Variants in SDCCAG8 observed in about 807,000 individuals in gnomAD.
SDCCAG8 encodes the protein serologically defined colon cancer antigen 8.
SDCCAG8 carries 74 observed loss-of-function variants against 101.8 expected under a neutral mutation model. That is an observed-to-expected ratio of 0.73 (90% confidence interval 0.60 to 0.88). SDCCAG8 has a LOEUF of 0.88. Among genes scored for constraint, SDCCAG8 ranks in the 40% least tolerant of loss-of-function variants. The pLI, the probability that SDCCAG8 is intolerant of heterozygous loss-of-function variation, is 0.00. For missense variants in SDCCAG8, 787 were observed against 822.6 expected (o/e 0.96, Z 0.53); for synonymous variants, 281 against 292.9 (o/e 0.96, Z 0.41).
At chr1:243,374,204 G>A (rs969995730) in intron 12 of SDCCAG8, among the ~76,000 whole-genome samples, 1 of 151,922 alleles carries the variant, frequency 6.6e-6, no homozygotes, top group Non-Finnish European at 1.5e-5. Flanking sequence ...GACAGAGATG[G>A]AAAATATAAG....
At chr1:243,402,577 C>T (rs1401572586) in intron 13 of SDCCAG8, among the ~76,000 whole-genome samples, 1 of 151,976 alleles carries the variant, frequency 6.6e-6, no homozygotes, top group Non-Finnish European at 1.5e-5. Flanking sequence ...GTGTATTTTG[C>T]ACTTACAGCA....
chr1:243,490,664 C>G (rs1338942225), intron 17 of SDCCAG8, among the ~76,000 whole-genome samples: 2 of 152,258 alleles, frequency 1.3e-5, no homozygotes, highest in Admixed American at 1.3e-4. Flanking sequence ...GGCGGGATGC[C>G]CCACGGGCCC....
intron 12 of SDCCAG8, among the ~76,000 whole-genome samples, chr1:243,376,790 G>A (rs1203067237): frequency 6.6e-6 from 1 of 151,850 alleles, no homozygotes; most frequent in Non-Finnish European, 1.5e-5. Flanking sequence ...TCTCCCTTCC[G>A]CCATTCTTTG....
At chr1:243,348,458 C>T (rs771617290) in intron 12 of SDCCAG8, among the ~76,000 whole-genome samples, 30 of 148,658 alleles carry the variant, frequency 2.0e-4, no homozygotes, top group Non-Finnish European at 3.5e-4. Context: ...GGGCAAAAGA[C>T]ACAGGAGAAC....
intron 16 of SDCCAG8, among the ~76,000 whole-genome samples, chr1:243,480,640 TGATG>T (rs1236864776): frequency 1.9e-4 from 1 of 5,216 alleles, no homozygotes. Flanking sequence ...TGGATGGGTG[TGATG>T]GATGGATGGA....
intron 16 of SDCCAG8, among the ~76,000 whole-genome samples, chr1:243,468,852 C>G (rs987845587): frequency 6.6e-6 from 1 of 152,212 alleles, no homozygotes; most frequent in Non-Finnish European, 1.5e-5. Flanking sequence ...CATAACAGAG[C>G]TGGGTTTCAG....
intron 17 of SDCCAG8, among the ~76,000 whole-genome samples, chr1:243,493,355 G>C (rs1181833010): frequency 6.6e-6 from 1 of 152,190 alleles, no homozygotes; most frequent in East Asian, 1.9e-4. Flanking sequence ...GGCTAGGAAG[G>C]TTGGAGCCAG....
At chr1:243,495,409 G>A (rs1423127784) in intron 17 of SDCCAG8, among the ~76,000 whole-genome samples, 5 of 152,300 alleles carry the variant, frequency 3.3e-5, no homozygotes, top group East Asian at 1.9e-4. Context: ...CAAGCCCTGC[G>A]GTGGAAGGGA....
intron 8 of SDCCAG8, among the ~76,000 whole-genome samples, chr1:243,310,842 A>G (rs905872151): frequency 6.6e-6 from 1 of 152,230 alleles, no homozygotes; most frequent in African/African-American, 2.4e-5. Flanking sequence ...ATGTCAGCAT[A>G]TGAAAATGTA....
At chr1:243,270,407 T>A (rs1558211292) in intron 2 of SDCCAG8, 150 bp downstream of exon 2, 2 of 937,366 alleles carry the variant, frequency 2.1e-6, no homozygotes, top group African/African-American at 3.3e-5. Flanking sequence ...CTTAATCTTG[T>A]TTTCCTTTGA....
chr1:243,475,273 G>A (rs1424134630), intron 16 of SDCCAG8, among the ~76,000 whole-genome samples: 2 of 152,204 alleles, frequency 1.3e-5, no homozygotes, highest in Non-Finnish European at 2.9e-5. Flanking sequence ...TGTCTGGATG[G>A]TTTAGCATGT....
At chr1:243,282,546 T>C (rs1304881257) in intron 4 of SDCCAG8, among the ~76,000 whole-genome samples, 1 of 152,214 alleles carries the variant, frequency 6.6e-6, no homozygotes, top group Non-Finnish European at 1.5e-5. Flanking sequence ...TCTGACTTTA[T>C]CACCTTTTCT....
chr1:243,317,359 C>T (rs1036116752), intron 9 of SDCCAG8, among the ~76,000 whole-genome samples: 3 of 141,538 alleles, frequency 2.1e-5, no homozygotes, highest in Non-Finnish European at 3.0e-5. Context: ...CTTGCCCTGT[C>T]GCCCAGGCTG....
At chr1:243,297,975 T>C (rs1282589935) in intron 6 of SDCCAG8, among the ~76,000 whole-genome samples, 1 of 152,142 alleles carries the variant, frequency 6.6e-6, no homozygotes, top group African/African-American at 2.4e-5. Context: ...TTATGTCCTT[T>C]TAAAAAAGTT....
intron 12 of SDCCAG8, among the ~76,000 whole-genome samples, chr1:243,345,951 T>C (rs886198959): frequency 1.3e-5 from 2 of 152,228 alleles, no homozygotes; most frequent in Non-Finnish European, 2.9e-5. Context: ...GGTATGTTTT[T>C]AGATAGAGAT....
Position 243,278,663 on chromosome 1 carries a change from A to AT in SDCCAG8, c.420+4013dup, listed in dbSNP as rs542105984. 1.2e-3 allele frequency among the ~76,000 whole-genome samples: 180 copies of AT among 152,288 alleles called. 2 individuals are homozygous for AT. The highest frequency in any genetic ancestry group is 4.1e-3 in the African/African-American group (169 of 41,560). On this transcript the variant is annotated intron_variant, in intron 4 of 17. Coordinates refer to ENST00000366541, the MANE Select transcript of SDCCAG8 (RefSeq NM_006642.5). ...GTATAAGTCACTTATTAGTTCCAGC[A>AT]TTTTTTGTTGATTCTTTGGGATTTT...
At chr1:243,387,300 C>A (rs1419818032) in intron 13 of SDCCAG8, among the ~76,000 whole-genome samples, 3 of 151,784 alleles carry the variant, frequency 2.0e-5, no homozygotes, top group Admixed American at 6.6e-5. Context: ...TGTATCTGAT[C>A]TTGAGGGGAA....
chr1:243,392,495 C>G (rs938053806), intron 13 of SDCCAG8, among the ~76,000 whole-genome samples: 6 of 152,316 alleles, frequency 3.9e-5, no homozygotes, highest in African/African-American at 1.2e-4. Flanking sequence ...TATTCTTAGC[C>G]TATTTCCGAA....
intron 13 of SDCCAG8, among the ~76,000 whole-genome samples, chr1:243,399,790 A>G (rs902035018): frequency 1.3e-5 from 2 of 152,174 alleles, no homozygotes; most frequent in African/African-American, 4.8e-5. Flanking sequence ...GATTGCAGGC[A>G]TGAGCCATGG....
Sources: allele counts gnomAD v4.1 joint callset (sites outside exome capture counted in the v4.1 genomes callset), GRCh38; gene constraint gnomAD v4.1.1; transcripts MANE v1.5; gene names NCBI Gene and HGNC (gene_info 2026-07-23, HGNC 2026-07-21).